SNTG1: variants seen among roughly 807,000 people sequenced by gnomAD.
The protein encoded by SNTG1 is syntrophin gamma 1.
SNTG1 carries 39 observed loss-of-function variants against 74.7 expected under a neutral mutation model. The ratio of observed to expected loss-of-function variants is 0.52; its 90% CI spans 0.40 to 0.68. The LOEUF is 0.68. Among genes scored for constraint, SNTG1 ranks in the 30% least tolerant of loss-of-function variants. SNTG1 has a pLI of 0.00. For missense variants in SNTG1, 685 were observed against 609.5 expected (o/e 1.12, Z -1.30); for synonymous variants, 254 against 217.1 (o/e 1.17, Z -1.49).
intron 18 of SNTG1, among the ~76,000 whole-genome samples, chr8:50,760,925 G>A (rs112100226): frequency 0.02 from 3,021 of 152,060 alleles, 96 homozygotes; most frequent in African/African-American, 0.065. Context: ...CGGATTCACA[G>A]CCGAATGCTA....
intron 5 of SNTG1, among the ~76,000 whole-genome samples, chr8:50,440,221 CA>C (rs2131577422): frequency 6.6e-6 from 1 of 151,822 alleles, no homozygotes; most frequent in African/African-American, 2.4e-5. Flanking sequence ...GAACTTTTTG[CA>C]AAATTCTTAT....
Position 50,658,600 on chromosome 8 carries a change from C to A in SNTG1, c.975C>A (p.Thr325=). ...TTTCTTATCTTTTAAAGGTGACCAC[C>A]TGGGACTGGACGAGAGCAGAGAAAA... ...LYKFLAPPVT[T]WDWTRAEKTF... The change falls in exon 15 of 19, where the codon ACC becomes ACA. Residue 325 remains threonine (T), a synonymous_variant. Transcript: ENST00000642720. 1 of 1,605,928 alleles carries A rather than the reference C, an allele frequency of 6.2e-7. No individual in the cohort carries two copies.
intron 13 of SNTG1, among the ~76,000 whole-genome samples, chr8:50,617,800 C>T (rs1465015270): frequency 6.6e-6 from 1 of 152,182 alleles, no homozygotes; most frequent in Non-Finnish European, 1.5e-5. Flanking sequence ...TTTCACAGTG[C>T]TTTTCTATAC....
chr8:50,143,078 T>A (rs1418238836), intron 1 of SNTG1, among the ~76,000 whole-genome samples: 1 of 151,268 alleles, frequency 6.6e-6, no homozygotes, highest in Non-Finnish European at 1.5e-5. Flanking sequence ...CATCTCAAAA[T>A]AAATAAATAA....
chr8:50,059,598 T>C (rs753644938), intron 1 of SNTG1, among the ~76,000 whole-genome samples: 1 of 152,148 alleles, frequency 6.6e-6, no homozygotes, highest in African/African-American at 2.4e-5. Flanking sequence ...TCATGCAATA[T>C]GCGACTTTTG....
At chr8:50,384,884 A>G (rs767683167) in intron 2 of SNTG1, among the ~76,000 whole-genome samples, 1 of 152,062 alleles carries the variant, frequency 6.6e-6, no homozygotes, top group Non-Finnish European at 1.5e-5. Flanking sequence ...CCCTAATTTT[A>G]TGGCTTGGTC....
chr8:50,094,410 G>A (rs2079853146), intron 1 of SNTG1, among the ~76,000 whole-genome samples: 1 of 151,988 alleles, frequency 6.6e-6, no homozygotes, highest in Non-Finnish European at 1.5e-5. Context: ...TCAAAATGGA[G>A]GAAAATACTT....
intron 15 of SNTG1, among the ~76,000 whole-genome samples, chr8:50,662,492 G>C (rs2095229239): frequency 6.6e-6 from 1 of 152,182 alleles, no homozygotes; most frequent in South Asian, 2.1e-4. Context: ...CCATTTTAGA[G>C]ATTTGGAAAC....
At chr8:50,724,941 GA>G (rs1467090654) in intron 17 of SNTG1, among the ~76,000 whole-genome samples, 1 of 152,080 alleles carries the variant, frequency 6.6e-6, no homozygotes, top group Non-Finnish European at 1.5e-5. Context: ...AGAGTTAACA[GA>G]TTTTTTTAAA....
At chr8:50,242,766 A>T (rs2086223077) in intron 2 of SNTG1, among the ~76,000 whole-genome samples, 1 of 149,974 alleles carries the variant, frequency 6.7e-6, no homozygotes, top group Non-Finnish European at 1.5e-5. Context: ...ATTATCTATT[A>T]TCATATATTA....
intron 2 of SNTG1, among the ~76,000 whole-genome samples, chr8:50,370,220 G>A (rs796657347): frequency 3.3e-5 from 5 of 152,286 alleles, no homozygotes; most frequent in African/African-American, 1.2e-4. Context: ...AAGATTCTGG[G>A]CGTGCTATGA....
In SNTG1 at chr8:50,376,955, C is replaced by G. The variant is rs573312794; in HGVS notation, c.-27-17257C>G. On this transcript the variant is annotated intron_variant, in intron 2 of 18. Coordinates refer to ENST00000642720, the MANE Select transcript of SNTG1 (RefSeq NM_018967.5). ...CTGAAAGCTAAAACTTCTGGAAGGT[C>G]AAAAGGAAGCAGTGAAGGATTCAAC... Among the ~76,000 whole-genome samples the G allele has an allele frequency of 2.3e-4, 35 of 152,024 alleles. No individual in the cohort carries two copies. The South Asian group carries it at 7.1e-3, about 31-fold the overall frequency.
chr8:50,712,323 A>G (rs901969550), intron 17 of SNTG1, among the ~76,000 whole-genome samples: 2 of 152,204 alleles, frequency 1.3e-5, no homozygotes, highest in African/African-American at 4.8e-5. Context: ...AAGAAATTGG[A>G]AGTGATTCTA....
Position 50,792,956 on chromosome 8 carries a change from GA to G in SNTG1, c.*132del. On this transcript the variant is annotated 3_prime_UTR_variant, in exon 19 of 19. Transcript: ENST00000642720. ...GTGGAGGCAAATCAAAATTTCGGCA[GA>G]AAAAGAAGGTCATGTGGAACCTCAA... The G allele has an allele frequency of 1.9e-6, 2 of 1,032,968 alleles. No homozygotes were observed. The highest frequency in any genetic ancestry group is 2.7e-6 in the Non-Finnish European group (2 of 741,178). The allele number at this position is 1,032,968 out of a possible 1,614,324, so 64.0% of individuals were successfully genotyped here.
At chr8:50,558,327 GC>G (rs769610766) in intron 12 of SNTG1, among the ~76,000 whole-genome samples, 27 of 152,250 alleles carry the variant, frequency 1.8e-4, no homozygotes, top group South Asian at 6.2e-4. Flanking sequence ...ACAGCTGTTG[GC>G]TCGCAGAGGC....
At chr8:49,944,100 G>A (rs1054289450) in intron 1 of SNTG1, among the ~76,000 whole-genome samples, 1 of 152,102 alleles carries the variant, frequency 6.6e-6, no homozygotes, top group African/African-American at 2.4e-5. Context: ...TATTTCAGCA[G>A]TTACTATATC....
chr8:49,994,649 A>G (rs1344696756), intron 1 of SNTG1, among the ~76,000 whole-genome samples: 1 of 152,118 alleles, frequency 6.6e-6, no homozygotes, highest in Non-Finnish European at 1.5e-5. Context: ...CATGGCTAAA[A>G]AAAACTGTTA....
intron 4 of SNTG1, among the ~76,000 whole-genome samples, chr8:50,422,685 G>C (rs2093108088): frequency 6.6e-6 from 1 of 152,076 alleles, no homozygotes; most frequent in African/African-American, 2.4e-5. Flanking sequence ...CACAGGAGTG[G>C]GGTTGGTGGG....
intron 4 of SNTG1, among the ~76,000 whole-genome samples, chr8:50,437,166 C>T (rs1307459849): frequency 6.6e-6 from 1 of 152,056 alleles, no homozygotes; most frequent in Admixed American, 6.6e-5. Context: ...TTACTCAGCA[C>T]ATTGTCAAAA....
Sources: gnomAD v4.1 joint callset for allele counts (sites outside exome capture counted in the v4.1 genomes callset) on GRCh38, gnomAD v4.1.1 for gene constraint, MANE v1.5 for transcripts, NCBI Gene and HGNC (gene_info 2026-07-23, HGNC 2026-07-21) for gene names.